RUNX1: variants seen among roughly 807,000 people sequenced by gnomAD.
The protein encoded by RUNX1 is RUNX family transcription factor 1.
A neutral mutation model predicts 42.8 loss-of-function variants in RUNX1; 19 were observed. The observed-to-expected ratio is 0.44, with a 90% CI of 0.31 to 0.65. The LOEUF (loss-of-function observed/expected upper bound fraction) is 0.65. Among genes scored for constraint, RUNX1 ranks in the 30% least tolerant of loss-of-function variants. The pLI is 0.07. For synonymous variants in RUNX1, 271 were observed against 289.4 expected (o/e 0.94, Z 0.64); for missense variants, 528 against 672.0 (o/e 0.79, Z 2.37).
chr21:34,835,720 T>C (rs1228430669), intron 6 of RUNX1, among the ~76,000 whole-genome samples: 33 of 152,170 alleles, frequency 2.2e-4, no homozygotes, highest in Admixed American at 2.1e-3. Flanking sequence ...CCTTGATCGA[T>C]TGCACAACCT....
intron 2 of RUNX1, among the ~76,000 whole-genome samples, chr21:34,917,936 C>A (rs2058324032): frequency 6.6e-6 from 1 of 151,954 alleles, no homozygotes; most frequent in South Asian, 2.1e-4. Flanking sequence ...CAATACCAGC[C>A]TGGCCAACAT....
At chr21:34,825,499 C>A (rs1458013136) in intron 7 of RUNX1, among the ~76,000 whole-genome samples, 1 of 152,182 alleles carries the variant, frequency 6.6e-6, no homozygotes, top group Non-Finnish European at 1.5e-5. Context: ...TGCGTTCAAA[C>A]AAATGATGGA....
chr21:35,023,226 G>A (rs1364437326), intron 2 of RUNX1, among the ~76,000 whole-genome samples: 2 of 152,094 alleles, frequency 1.3e-5, no homozygotes, highest in Admixed American at 6.5e-5. Flanking sequence ...TTACAGGTGT[G>A]AGCCACCACA....
chr21:35,041,255 A>G (rs183932118), intron 2 of RUNX1, among the ~76,000 whole-genome samples: 3 of 152,378 alleles, frequency 2.0e-5, no homozygotes, highest in Admixed American at 1.3e-4. Context: ...CTCTCTCCCA[A>G]TGGACATGTT....
chr21:35,024,011 A>T (rs2059218448), intron 2 of RUNX1, among the ~76,000 whole-genome samples: 2 of 151,392 alleles, frequency 1.3e-5, no homozygotes, highest in African/African-American at 4.8e-5. Flanking sequence ...CATATTAAAT[A>T]AATACAAATC....
intron 2 of RUNX1, among the ~76,000 whole-genome samples, chr21:35,003,231 C>G (rs916255938): frequency 6.6e-6 from 1 of 152,172 alleles, no homozygotes; most frequent in African/African-American, 2.4e-5. Flanking sequence ...TGGCAAAGGA[C>G]CCCATGTGAG....
chr21:34,817,605 G>A (rs541425934), intron 7 of RUNX1, among the ~76,000 whole-genome samples: 2 of 152,224 alleles, frequency 1.3e-5, no homozygotes, highest in African/African-American at 2.4e-5. Flanking sequence ...GAGATTTGTC[G>A]AGTTACTCAA....
At chr21:34,940,074 A>G (rs1431830636) in intron 2 of RUNX1, among the ~76,000 whole-genome samples, 1 of 152,202 alleles carries the variant, frequency 6.6e-6, no homozygotes, top group Non-Finnish European at 1.5e-5. Context: ...TTTTTGTAAA[A>G]AAATCATGTT....
intron 2 of RUNX1, among the ~76,000 whole-genome samples, chr21:34,933,513 T>A (rs540705656): frequency 3.9e-5 from 6 of 152,356 alleles, no homozygotes; most frequent in Non-Finnish European, 5.9e-5. Flanking sequence ...ATGTTTTTTT[T>A]ATGACTTCTG....
rs531655644 is a variant in RUNX1, at chr21:34,928,720, T to G, written c.59-35757A>C. On this transcript the variant is annotated intron_variant, in intron 2 of 8. Coordinates refer to ENST00000675419, the MANE Select transcript of RUNX1 (RefSeq NM_001754.5). ...GCCAAGTTACAACTAGAAGGCTGAT[T>G]TAGATTTTTTGGCCAAAGTTATATG... Among the ~76,000 whole-genome samples the G allele has an allele frequency of 3.9e-5, 6 of 152,082 alleles. No homozygotes were observed. In the South Asian group the frequency reaches 1.2e-3, roughly 32 times the overall value.
At chr21:35,038,987 G>A in intron 2 of RUNX1, 1 of 333,880 alleles carries the variant, frequency 3.0e-6, no homozygotes, top group Non-Finnish European at 6.0e-6. Context: ...CCAAGGTGGT[G>A]CTGGATTTTG....
At chr21:34,844,057 C>T (rs561427667) in intron 6 of RUNX1, among the ~76,000 whole-genome samples, 1 of 152,238 alleles carries the variant, frequency 6.6e-6, no homozygotes, top group African/African-American at 2.4e-5. Flanking sequence ...TAGCAACCCT[C>T]CCTAGGTTAA....
intron 2 of RUNX1, among the ~76,000 whole-genome samples, chr21:35,018,031 T>C (rs962189887): frequency 6.6e-6 from 1 of 152,098 alleles, no homozygotes; most frequent in Non-Finnish European, 1.5e-5. Context: ...TTTTGTTTGT[T>C]TGTTTGTTTT....
intron 6 of RUNX1, among the ~76,000 whole-genome samples, chr21:34,851,856 C>T (rs2057423744): frequency 6.6e-6 from 1 of 152,168 alleles, no homozygotes; most frequent in Non-Finnish European, 1.5e-5. Flanking sequence ...TATAGCAATA[C>T]AAATGCCATC....
At chr21:34,886,775 C>A in intron 4 of RUNX1, 68 bp downstream of exon 4, 1 of 1,607,914 alleles carries the variant, frequency 6.2e-7, no homozygotes, top group Non-Finnish European at 8.5e-7. Flanking sequence ...CTGGCCGCTG[C>A]CCTCGCGGAT....
intron 2 of RUNX1, among the ~76,000 whole-genome samples, chr21:34,957,563 T>C (rs1371556482): frequency 2.0e-5 from 3 of 152,192 alleles, no homozygotes; most frequent in Admixed American, 1.3e-4. Flanking sequence ...CACTTGGAGT[T>C]TGGCCTGGGC....
intron 6 of RUNX1, among the ~76,000 whole-genome samples, chr21:34,835,257 C>A (rs1442735747): frequency 6.6e-6 from 1 of 152,192 alleles, no homozygotes; most frequent in Non-Finnish European, 1.5e-5. Flanking sequence ...AGCCGACTCC[C>A]CCATGTACCC....
Position 34,789,112 on chromosome 21 carries a change from G to A in RUNX1, c.*3023C>T, listed in dbSNP as rs556841039. The stretch of plus-strand genomic sequence containing the variant: ...TTTGGACAGCAAGCAGATCCAATAT[G>A]GTTGGCAATGTCTCTGTTCTGCTGG... On this transcript the variant is annotated 3_prime_UTR_variant, in exon 9 of 9. Coordinates refer to ENST00000675419, the MANE Select transcript of RUNX1 (RefSeq NM_001754.5). 6 of 233,298 alleles carry A rather than the reference G, an allele frequency of 2.6e-5. No individual in the cohort carries two copies. The highest frequency in any genetic ancestry group is 1.3e-3 in the Middle Eastern group (1 of 786). 14.5% of individuals were successfully genotyped at this position (233,298 alleles called of 1,614,324 possible).
intron 2 of RUNX1, among the ~76,000 whole-genome samples, chr21:34,921,937 A>G (rs1488466555): frequency 1.3e-5 from 2 of 152,174 alleles, no homozygotes; most frequent in African/African-American, 4.8e-5. Flanking sequence ...CCAGGCCTAC[A>G]TAATTGATTT....
Sources: gnomAD v4.1 joint callset for allele counts (sites outside exome capture counted in the v4.1 genomes callset) on GRCh38, gnomAD v4.1.1 for gene constraint, MANE v1.5 for transcripts, NCBI Gene and HGNC (gene_info 2026-07-23, HGNC 2026-07-21) for gene names.